Variants in PTPN14 observed in about 807,000 individuals in gnomAD.
PTPN14 encodes tyrosine-protein phosphatase non-receptor type 14.
PTPN14 carries 53 observed loss-of-function variants against 126.8 expected under a neutral mutation model. The ratio of observed to expected loss-of-function variants is 0.42; its 90% CI spans 0.34 to 0.53. The LOEUF is 0.53. PTPN14 is among the 20% of genes least tolerant of loss of function. The pLI is 0.08. For missense variants in PTPN14, 1,257 were observed against 1,552.9 expected, an observed-to-expected ratio of 0.81 and a Z score of 3.20; for synonymous variants, 630 against 599.3, an observed-to-expected ratio of 1.05 and a Z score of -0.75.
In PTPN14 at chr1:214,401,852, A is replaced by G. The variant is rs543799999; in HGVS notation, c.582-80T>C. On this transcript the variant is annotated intron_variant, in intron 6 of 18. Transcript: ENST00000366956. ...TCCCACTCTCCTGATGGCAAATTCC[A>G]GAGCTGTGGTTTAGCTCTAGTTTCT... 5.2e-4 allele frequency: 617 copies of G among 1,178,002 alleles called. 2 individuals are homozygous for G. The highest frequency in any genetic ancestry group is 2.1e-3 in the Middle Eastern group (11 of 5,156). The allele number at this position is 1,178,002 out of a possible 1,614,324, so 73.0% of individuals were successfully genotyped here.
At chr1:214,494,731 T>G (rs1330296558) in intron 1 of PTPN14, among the ~76,000 whole-genome samples, 1 of 151,928 alleles carries the variant, frequency 6.6e-6, no homozygotes, top group East Asian at 1.9e-4. Context: ...AAAGGAAGAG[T>G]GGCCTCTCCT....
Position 214,402,878 on chromosome 1 carries a change from C to T in PTPN14, c.581+5G>A, listed in dbSNP as rs143408016. 3,185 of 1,613,846 alleles carry T rather than the reference C, an allele frequency of 2.0e-3. 6 individuals carry two copies. The highest frequency in any genetic ancestry group is 2.4e-3 in the Non-Finnish European group (2,842 of 1,179,888). ...AGGCAGCCCCTTACCCTCTGCCTGC[C>T]TTACCTGTGGGCTTTGTGTTCTTGG... On this transcript the variant is annotated splice_donor_5th_base_variant and intron_variant, in intron 6 of 18. Coordinates refer to ENST00000366956, the MANE Select transcript of PTPN14 (RefSeq NM_005401.5).
chr1:214,464,339 T>C (rs1236109561), intron 2 of PTPN14, among the ~76,000 whole-genome samples: 4 of 152,008 alleles, frequency 2.6e-5, no homozygotes, highest in African/African-American at 9.7e-5. Flanking sequence ...AAGATGACTT[T>C]GGTGGGGAGA....
At chr1:214,386,440 T>C (rs1178641080) in intron 12 of PTPN14, among the ~76,000 whole-genome samples, 1 of 152,192 alleles carries the variant, frequency 6.6e-6, no homozygotes, top group Admixed American at 6.5e-5. Context: ...AGGCTGACTT[T>C]GTTTATTTCT....
At chr1:214,503,186 AAC>A (rs953011296) in intron 1 of PTPN14, among the ~76,000 whole-genome samples, 1 of 152,248 alleles carries the variant, frequency 6.6e-6, no homozygotes, top group African/African-American at 2.4e-5. Flanking sequence ...TAAAATGGCA[AAC>A]ACTATACAGT....
intron 1 of PTPN14, among the ~76,000 whole-genome samples, chr1:214,503,199 A>G (rs1654751156): frequency 6.6e-6 from 1 of 152,190 alleles, no homozygotes; most frequent in East Asian, 1.9e-4. Context: ...ACTATACAGT[A>G]TTTATTATGA....
intron 17 of PTPN14, among the ~76,000 whole-genome samples, chr1:214,366,516 G>A (rs1658084683): frequency 2.0e-5 from 3 of 152,112 alleles, no homozygotes; most frequent in Admixed American, 6.5e-5. Context: ...AGTTCCTTAC[G>A]CTGTAACTCA....
intron 1 of PTPN14, among the ~76,000 whole-genome samples, chr1:214,473,129 TTC>T (rs1289290528): frequency 6.6e-6 from 1 of 151,822 alleles, no homozygotes; most frequent in Non-Finnish European, 1.5e-5. Flanking sequence ...CAGTATTTTG[TTC>T]TCTCATTTTT....
chr1:214,354,117 C>T lies in PTPN14; in HGVS notation c.*3805G>A, dbSNP rs1657762768. ...CAAGTCCTACAAGGCCCACCCTCAG[C>T]AGTCTACAAAGACCCTCTCTTCAGG... is the stretch of plus-strand genomic sequence containing the variant. On this transcript the variant is annotated 3_prime_UTR_variant, in exon 19 of 19. Transcript: ENST00000366956. 3 of 152,222 alleles carry T rather than the reference C, an allele frequency of 2.0e-5. No homozygotes were observed. The South Asian group carries it at 6.2e-4, about 32-fold the overall frequency. 9.4% of individuals were successfully genotyped at this position (152,222 alleles called of 1,614,324 possible).
At chr1:214,499,017 C>G (rs1422202817) in intron 1 of PTPN14, among the ~76,000 whole-genome samples, 2 of 152,076 alleles carry the variant, frequency 1.3e-5, no homozygotes, top group African/African-American at 4.8e-5. Context: ...GTTGTCCAGG[C>G]TGGCCTCAAA....
chr1:214,548,261 T>C (rs1176918133), intron 1 of PTPN14, among the ~76,000 whole-genome samples: 1 of 152,106 alleles, frequency 6.6e-6, no homozygotes, highest in Non-Finnish European at 1.5e-5. Context: ...GACCGCCTGC[T>C]CCAGCACACT....
chr1:214,486,796 A>G (rs1348763252), intron 1 of PTPN14, among the ~76,000 whole-genome samples: 1 of 152,180 alleles, frequency 6.6e-6, no homozygotes, highest in Non-Finnish European at 1.5e-5. Context: ...AGTAGTGAAC[A>G]TAGGCCAAAC....
intron 15 of PTPN14, among the ~76,000 whole-genome samples, chr1:214,375,060 T>A (rs1658308622): frequency 1.3e-5 from 2 of 152,190 alleles, no homozygotes; most frequent in African/African-American, 4.8e-5. Context: ...CTCTCAAAAA[T>A]CCAAGTTAAA....
intron 3 of PTPN14, among the ~76,000 whole-genome samples, chr1:214,439,427 T>C (rs1249710530): frequency 6.6e-6 from 1 of 152,234 alleles, no homozygotes; most frequent in East Asian, 1.9e-4. Context: ...TTGCTTCATC[T>C]CTGTGATTTT....
chr1:214,464,323 A>G (rs2102651488), intron 2 of PTPN14, among the ~76,000 whole-genome samples: 1 of 152,068 alleles, frequency 6.6e-6, no homozygotes, highest in East Asian at 1.9e-4. Context: ...ATTGTTTTAA[A>G]GAGAGAAGAT....
At chr1:214,389,691 A>C (rs1002393386) in intron 11 of PTPN14, among the ~76,000 whole-genome samples, 1 of 152,250 alleles carries the variant, frequency 6.6e-6, no homozygotes, top group Non-Finnish European at 1.5e-5. Flanking sequence ...AGGACAAGAT[A>C]AGATCACAAG....
intron 5 of PTPN14, among the ~76,000 whole-genome samples, chr1:214,403,639 C>T (rs1295916609): frequency 6.6e-6 from 1 of 152,226 alleles, no homozygotes; most frequent in Non-Finnish European, 1.5e-5. Flanking sequence ...TCCGTAACAC[C>T]ACAGTGGGAG....
chr1:214,550,781 C>T lies in PTPN14; in HGVS notation c.-155+402G>A, dbSNP rs1047655223. Among the ~76,000 whole-genome samples, 11 of 152,272 alleles carry T rather than the reference C, an allele frequency of 7.2e-5. 1 individual carries two copies. Among genetic ancestry groups the T allele is most frequent in the South Asian group, 4.1e-4 (2 of 4,820 alleles). ...TGGGAGCGTCGGGCAGCTGCATCCC[C>T]CTACCGCTGCAGCGACCGCGACGTC... is the stretch of plus-strand genomic sequence containing the variant. On this transcript the variant is annotated intron_variant, in intron 1 of 18. Transcript: ENST00000366956.
In PTPN14 at chr1:214,384,043, G is replaced by A. The variant is rs776891267; in HGVS notation, c.1812C>T (p.Leu604=). Residue 604 remains leucine, a synonymous_variant, in exon 13 of 19, where the codon CTC becomes CTT. Transcript: ENST00000366956. This position sits in a 1 kb window ranked among gnomAD's most constrained non-coding sequence, Gnocchi z 5.3. ...SPDLVTRKVQ[L]SVKTFQEDSS... is the part of the protein sequence containing the mutation. ...TGTCCTCTTGGAAGGTCTTCACCGA[G>A]AGCTGCACCTTCCGGGTCACCAGGT... is the stretch of plus-strand genomic sequence containing the variant. The A allele has an allele frequency of 1.9e-6, 3 of 1,590,824 alleles. No individual in the cohort carries two copies. The African/African-American group carries it at 4.0e-5, about 21-fold the overall frequency.
Sources: gnomAD v4.1 joint callset for allele counts (sites outside exome capture counted in the v4.1 genomes callset) on GRCh38, gnomAD v4.1.1 for gene constraint, Gnocchi (gnomAD v3.1) non-coding constraint, MANE v1.5 for transcripts, NCBI Gene and HGNC (gene_info 2026-07-23, HGNC 2026-07-21) for gene names.